The following DMD variants were observed in gnomAD, a reference collection of about 807,000 sequenced individuals.
DMD encodes the protein mutant dystrophin.
A neutral mutation model predicts 330.1 loss-of-function variants in DMD; 63 were observed. The observed-to-expected ratio is 0.19, with a 90% CI of 0.16 to 0.24. The LOEUF (loss-of-function observed/expected upper bound fraction) is 0.24, where lower values mean the gene tolerates loss of function less well. DMD is among the 10% of genes least tolerant of loss of function. The pLI is 1.00. For missense variants in DMD, 3,344 were observed against 2,684.1 expected (o/e 1.25, Z -5.43); for synonymous variants, 1,223 against 959.8 (o/e 1.27, Z -5.07).
At chrX:32,824,132 C>G (rs2078503885) in intron 4 of DMD, among the ~76,000 whole-genome samples, 1 of 111,943 alleles carries the variant, frequency 8.9e-6, no homozygotes, top group East Asian at 2.8e-4. Flanking sequence ...TGTGGAGAAA[C>G]TGGATGACTC....
intron 41 of DMD, among the ~76,000 whole-genome samples, chrX:32,341,360 A>G (rs916139471): frequency 2.7e-5 from 3 of 111,991 alleles, no homozygotes; most frequent in African/African-American, 6.5e-5. Flanking sequence ...GAAAACCTCT[A>G]TGGTTTATAC....
At chrX:33,164,223 G>A (rs2048943120) in intron 1 of DMD, among the ~76,000 whole-genome samples, 2 of 111,829 alleles carry the variant, frequency 1.8e-5, no homozygotes, top group African/African-American at 6.5e-5. Context: ...ACAAAAGGAA[G>A]TGAAAAGCTT....
chrX:32,355,433 G>T (rs1055735932), intron 37 of DMD, among the ~76,000 whole-genome samples: 2 of 111,274 alleles, frequency 1.8e-5, no homozygotes, highest in African/African-American at 3.3e-5. Context: ...CTGATCAGGG[G>T]ACTAATTTTC....
At chrX:32,622,764 G>A (rs1029011536) in intron 11 of DMD, among the ~76,000 whole-genome samples, 1 of 111,012 alleles carries the variant, frequency 9.0e-6, no homozygotes, top group Non-Finnish European at 1.9e-5. Flanking sequence ...TGGATTTGGT[G>A]CCCCCCGGGG....
At chrX:31,170,436 T>C (rs753131401) in intron 73 of DMD, among the ~76,000 whole-genome samples, 1 of 110,964 alleles carries the variant, frequency 9.0e-6, no homozygotes, top group Non-Finnish European at 1.9e-5. Context: ...TCTGAATGCA[T>C]TGCTCCAAGC....
chrX:32,630,701 T>C (rs897205444), intron 11 of DMD, among the ~76,000 whole-genome samples: 1 of 111,852 alleles, frequency 8.9e-6, no homozygotes. Flanking sequence ...TTTGTTAAAT[T>C]TATGTGTAGG....
chrX:32,718,177 A>T (rs761627433), intron 7 of DMD, among the ~76,000 whole-genome samples: 31 of 111,239 alleles, frequency 2.8e-4, no homozygotes, highest in Middle Eastern at 4.6e-3. Flanking sequence ...AGAACGATAT[A>T]GTTTGGCACT....
At position 33,025,458 on chromosome X, in the gene DMD, T is replaced by C. The variant is rs73621867; in HGVS notation, c.32-5258A>G. Among the ~76,000 whole-genome samples the C allele has an allele frequency of 9.7e-3, 1,046 of 107,501 alleles. 15 individuals carry two copies. Among genetic ancestry groups the C allele is most frequent in the East Asian group, 0.062 (200 of 3,207 alleles). 93.4% of individuals were successfully genotyped at this position (107,501 alleles called of 115,157 possible). A position where few individuals can be genotyped will look rare whatever the true frequency, so the allele number is the denominator to read the frequency against. ...CAGATAAACAATGTAAGTGAAAGCATTTAAAAACTGGGGGAAAAAAAAAAA... is the reference window on the plus strand; with the variant it reads ...CAGATAAACAATGTAAGTGAAAGCACTTAAAAACTGGGGGAAAAAAAAAAA... On this transcript the variant is annotated intron_variant, in intron 1 of 78. Transcript: ENST00000357033.
chrX:31,596,737 G>A (rs1486952795), intron 55 of DMD, among the ~76,000 whole-genome samples: 3 of 112,008 alleles, frequency 2.7e-5, no homozygotes, highest in Middle Eastern at 4.6e-3. Flanking sequence ...AAAGTTCTAT[G>A]ACTCAGTGAG....
At chrX:31,298,481 T>A (rs911271680) in intron 62 of DMD, among the ~76,000 whole-genome samples, 6 of 109,688 alleles carry the variant, frequency 5.5e-5, no homozygotes, top group African/African-American at 1.7e-4. Context: ...TGCCAGAGAC[T>A]CAGTTAAGAT....
chrX:32,573,401 T>A (rs2052651540), intron 15 of DMD, 129 bp downstream of exon 15: 6 of 560,817 alleles, frequency 1.1e-5, no homozygotes, highest in Non-Finnish European at 1.8e-5. Flanking sequence ...CAATATAACA[T>A]CTTTGAATAA....
chrX:32,793,779 G>T (rs776845861), intron 7 of DMD, among the ~76,000 whole-genome samples: 1 of 111,170 alleles, frequency 9.0e-6, no homozygotes, highest in Non-Finnish European at 1.9e-5. Context: ...ATTTCCCAAC[G>T]AAGACAGTCC....
intron 55 of DMD, among the ~76,000 whole-genome samples, chrX:31,556,451 G>A (rs1398572400): frequency 2.9e-5 from 3 of 104,571 alleles, no homozygotes; most frequent in South Asian, 4.4e-4. Context: ...AAGATCATTC[G>A]TTGAATTTGC....
chrX:31,578,456 G>C (rs1258269342), intron 55 of DMD, among the ~76,000 whole-genome samples: 1 of 111,939 alleles, frequency 8.9e-6, no homozygotes, highest in African/African-American at 3.2e-5. Flanking sequence ...AAATTGCCAA[G>C]AGTTTAGGAG....
At chrX:32,811,588 C>T (rs2077372934) in intron 6 of DMD, among the ~76,000 whole-genome samples, 1 of 111,437 alleles carries the variant, frequency 9.0e-6, no homozygotes, top group Non-Finnish European at 1.9e-5. Flanking sequence ...ATCAACTACA[C>T]GAGAGAATGG....
At chrX:33,010,309 CAT>C (rs905390144) in intron 2 of DMD, among the ~76,000 whole-genome samples, 3 of 104,484 alleles carry the variant, frequency 2.9e-5, no homozygotes, top group East Asian at 3.2e-4. Context: ...TATATATGTA[CAT>C]ATATGTGTAT....
At position 31,891,819 on chromosome X, in the gene DMD, T is replaced by C. The variant is rs1350476; in HGVS notation, c.6913-16446A>G. On this transcript the variant is annotated intron_variant, in intron 47 of 78. Transcript: ENST00000357033. Reference sequence around the variant, plus strand: ...GTTGTGGCCCAACCTCCAGTCCATCTAAGTCTTGGTCCTGCCTGTATTTCA... The same window carrying C: ...GTTGTGGCCCAACCTCCAGTCCATCCAAGTCTTGGTCCTGCCTGTATTTCA... Among the ~76,000 whole-genome samples the C allele has an allele frequency of 9.3e-3, 1,044 of 112,086 alleles. 13 individuals carry two copies. The highest frequency in any genetic ancestry group is 0.032 in the African/African-American group (988 of 30,854).
At chrX:32,100,892 G>A (rs2148096571) in intron 44 of DMD, among the ~76,000 whole-genome samples, 1 of 111,308 alleles carries the variant, frequency 9.0e-6, no homozygotes, top group African/African-American at 3.3e-5. Flanking sequence ...TGCTTTAGGA[G>A]GATTTTATCT....
chrX:32,704,759 A>G (rs2064452750), intron 7 of DMD, among the ~76,000 whole-genome samples: 1 of 112,157 alleles, frequency 8.9e-6, no homozygotes, highest in African/African-American at 3.2e-5. Context: ...GAGAAACTGG[A>G]AAGAAGGCAC....
Sources: allele counts gnomAD v4.1 joint callset (sites outside exome capture counted in the v4.1 genomes callset), GRCh38; gene constraint gnomAD v4.1.1; transcripts MANE v1.5; gene names NCBI Gene and HGNC (gene_info 2026-07-23, HGNC 2026-07-21).